The following TCF20 variants were observed in gnomAD, a reference collection of about 807,000 sequenced individuals.
The protein encoded by TCF20 is SPRE-binding protein.
In TCF20, 3 loss-of-function variants were observed where a neutral mutation model predicts 148.6. That is an observed-to-expected ratio of 0.02 (90% CI 0.01 to 0.05). The LOEUF (loss-of-function observed/expected upper bound fraction) is 0.05, where lower values mean the gene tolerates loss of function less well. Ranked by LOEUF, TCF20 falls within the 10% of genes least tolerant of loss-of-function variation. TCF20 has a pLI of 1.00. For missense variants in TCF20, 2,350 were observed against 2,429.3 expected (o/e 0.97, Z 0.69); for synonymous variants, 1,049 against 909.5 (o/e 1.15, Z -2.76).
chr22:42,250,446 CAAAAAAAAAAAAAA>C (rs35668152), intron 1 of TCF20, among the ~76,000 whole-genome samples: 1 of 76,288 alleles, frequency 1.3e-5, no homozygotes, highest in African/African-American at 4.9e-5. Context: ...AACTCCATCT[CAAAAAAAAAAAAAA>C]AAAAAAAAGG....
chr22:42,221,499 C>T (rs1339692013), intron 1 of TCF20, among the ~76,000 whole-genome samples: 4 of 152,096 alleles, frequency 2.6e-5, no homozygotes, highest in Non-Finnish European at 5.9e-5. Flanking sequence ...TAGACTATTG[C>T]CACTTGGGGA....
At position 42,210,262 on chromosome 22, in the gene TCF20, G is replaced by C. The variant is rs961284958; in HGVS notation, c.5044C>G (p.Leu1682Val). 1 of 1,614,078 alleles carries C rather than the reference G, an allele frequency of 6.2e-7. No homozygotes were observed. The highest frequency in any genetic ancestry group is 1.3e-5 in the African/African-American group (1 of 74,904). Residue 1682 changes from leucine to valine, a missense_variant, in exon 2 of 6, where the codon CTC becomes GTC. Coordinates refer to ENST00000677622, the MANE Select transcript of TCF20 (RefSeq NM_001378418.1). The surrounding 1 kb of genome is among the most constrained non-coding windows in gnomAD (Gnocchi z 4.7). ...PPPSSTESKA[L>V]PASSFMLQGP... Reference sequence around the variant, plus strand: ...TGCAGCATAAAGGACGAGGCCGGGAGCGCCTTGCTTTCAGTGCTGCTAGGT... The same window carrying C: ...TGCAGCATAAAGGACGAGGCCGGGACCGCCTTGCTTTCAGTGCTGCTAGGT...
chr22:42,167,632 C>T (rs1398712484), intron 5 of TCF20, among the ~76,000 whole-genome samples: 1 of 152,168 alleles, frequency 6.6e-6, no homozygotes, highest in Non-Finnish European at 1.5e-5. Flanking sequence ...ACCCCAAGTC[C>T]TATCATCCTG....
intron 1 of TCF20, among the ~76,000 whole-genome samples, chr22:42,341,166 A>G (rs1417670341): frequency 6.6e-6 from 1 of 151,456 alleles, no homozygotes; most frequent in East Asian, 2.0e-4. Context: ...TCTGGGGGGG[A>G]TGCAAACCCC....
intron 2 of TCF20, among the ~76,000 whole-genome samples, chr22:42,183,696 G>T (rs142288501): frequency 1.0e-3 from 156 of 152,170 alleles, no homozygotes; most frequent in African/African-American, 3.7e-3. Flanking sequence ...TTTGTGGTAA[G>T]GTGTTATGAC....
Position 42,169,859 on chromosome 22 carries a change from G to A in TCF20, c.5787C>T (p.Cys1929=). The A allele has an allele frequency of 6.2e-7, 1 of 1,613,402 alleles. No homozygotes were observed. The highest frequency in any genetic ancestry group is 2.2e-5 in the East Asian group (1 of 44,852). The part of the protein sequence containing the change: ...LLHEENFSVR[C]PKHKPPLPCP... ...GCCTCTGACTCACCTTGTGCTTAGG[G>A]CACCTCACCGAGAAGTTCTCCTCAT... Residue 1929 remains cysteine (C), a synonymous_variant, in exon 4 of 6, where the codon TGC becomes TGT. Transcript: ENST00000677622.
chr22:42,203,601 T>C (rs1269361242), intron 2 of TCF20, among the ~76,000 whole-genome samples: 1 of 152,212 alleles, frequency 6.6e-6, no homozygotes, highest in African/African-American at 2.4e-5. Context: ...TAAAAAGATA[T>C]ACCACACAGT....
At chr22:42,188,641 A>G (rs560859943) in intron 2 of TCF20, among the ~76,000 whole-genome samples, 104 of 152,334 alleles carry the variant, frequency 6.8e-4, no homozygotes, top group East Asian at 7.7e-4. Flanking sequence ...AGGTTTCTCT[A>G]AAGGTTGTAA....
intron 1 of TCF20, among the ~76,000 whole-genome samples, chr22:42,326,206 A>C (rs544882656): frequency 1.3e-5 from 2 of 152,224 alleles, no homozygotes; most frequent in South Asian, 4.1e-4. Flanking sequence ...TCTGGAACCA[A>C]GCGGGACCAC....
upstream of TCF20, among the ~76,000 whole-genome samples, chr22:42,271,151 C>T (rs1926603416): frequency 6.6e-6 from 1 of 152,186 alleles, no homozygotes; most frequent in Admixed American, 6.5e-5. Context: ...CCCTCTGGGC[C>T]GGGGGCAGCC....
intron 1 of TCF20, among the ~76,000 whole-genome samples, chr22:42,237,048 T>C (rs5751247): frequency 0.27 from 40,968 of 150,242 alleles, 5,777 homozygotes; most frequent in East Asian, 0.37. Context: ...GGCAAATTTC[T>C]TCAAATAACA....
At chr22:42,305,704 C>T (rs1421396431) in intron 1 of TCF20, among the ~76,000 whole-genome samples, 1 of 152,192 alleles carries the variant, frequency 6.6e-6, no homozygotes, top group African/African-American at 2.4e-5. Context: ...CCCTGGTCTC[C>T]ACACCCCTGG....
At chr22:42,311,227 G>C (rs767226996) in intron 1 of TCF20, among the ~76,000 whole-genome samples, 1 of 152,240 alleles carries the variant, frequency 6.6e-6, no homozygotes, top group African/African-American at 2.4e-5. Context: ...CGGGGCTGGC[G>C]ACTGGGACCT....
chr22:42,266,991 C>T (rs1926322430), intron 1 of TCF20, among the ~76,000 whole-genome samples: 7 of 152,108 alleles, frequency 4.6e-5, no homozygotes, highest in Admixed American at 4.6e-4. Flanking sequence ...TTTAATAGGC[C>T]GGGCACGGTG....
In TCF20 at chr22:42,168,715, G is replaced by A. The variant is rs1245226121; in HGVS notation, c.5821C>T (p.Pro1941Ser). ...KHKPPLPCPL[P>S]PLQNKTAKGS... Reference sequence around the variant, plus strand: ...TTCGCGGTCTTGTTCTGCAAGGGGGGGAGAGGGCACGGAAGGGGAGGCTGA... The same window carrying A: ...TTCGCGGTCTTGTTCTGCAAGGGGGAGAGAGGGCACGGAAGGGGAGGCTGA... The change falls in exon 5 of 6, where the codon CCC becomes TCC. Residue 1941 changes from proline (P) to serine (S), a missense_variant. Transcript: ENST00000677622. 1.9e-6 allele frequency: 3 copies of A among 1,611,246 alleles called. No homozygotes were observed. Among genetic ancestry groups the A allele is most frequent in the Non-Finnish European group, 2.5e-6 (3 of 1,179,066 alleles).
At chr22:42,306,815 G>A (rs1927442573) in intron 1 of TCF20, among the ~76,000 whole-genome samples, 1 of 152,144 alleles carries the variant, frequency 6.6e-6, no homozygotes, top group African/African-American at 2.4e-5. Flanking sequence ...AAGGTGGGCG[G>A]ATCACCTGAG....
chr22:42,235,934 C>T (rs1923843285), intron 1 of TCF20, among the ~76,000 whole-genome samples: 1 of 152,298 alleles, frequency 6.6e-6, no homozygotes, highest in Admixed American at 6.5e-5. Context: ...TGGCTCACGC[C>T]TATAATCCCA....
intron 1 of TCF20, among the ~76,000 whole-genome samples, chr22:42,329,420 G>A (rs563331156): frequency 6.6e-6 from 1 of 152,366 alleles, no homozygotes; most frequent in African/African-American, 2.4e-5. Context: ...CGCCTCTGCA[G>A]GAGGAAGAGA....
intron 1 of TCF20, among the ~76,000 whole-genome samples, chr22:42,255,569 A>C (rs1332223074): frequency 1.3e-5 from 2 of 152,168 alleles, no homozygotes; most frequent in Admixed American, 1.3e-4. Flanking sequence ...GGGTAAATAA[A>C]ATATGCTTGC....
Sources: allele counts gnomAD v4.1 joint callset (sites outside exome capture counted in the v4.1 genomes callset), GRCh38; gene constraint gnomAD v4.1.1; non-coding constraint Gnocchi (gnomAD v3.1); transcripts MANE v1.5; gene names NCBI Gene and HGNC (gene_info 2026-07-23, HGNC 2026-07-21).